The following ABCD2 variants were observed in gnomAD, a reference collection of about 807,000 sequenced individuals.
The protein encoded by ABCD2 is ATP binding cassette subfamily D member 2, also known as ATP-binding cassette sub-family D member 2.
Under a neutral mutation model 70.9 loss-of-function variants are expected in ABCD2, and 36 were observed. The observed-to-expected ratio is 0.51, with a 90% CI of 0.39 to 0.67. ABCD2 has a LOEUF of 0.67. Among genes scored for constraint, ABCD2 ranks in the 30% least tolerant of loss-of-function variants. The pLI is 0.00. For missense variants in ABCD2, 729 were observed against 890.2 expected (o/e 0.82, Z 2.30); for synonymous variants, 304 against 306.9 (o/e 0.99, Z 0.10).
chr12:39,547,012 A>T (rs920090440), downstream of ABCD2, among the ~76,000 whole-genome samples: 21 of 151,652 alleles, frequency 1.4e-4, no homozygotes, highest in Admixed American at 5.9e-4. Flanking sequence ...TAATTAAAAA[A>T]TTTTTTTTTC....
At position 39,619,126 on chromosome 12, in the gene ABCD2, T is replaced by G; in HGVS notation, c.490A>C (p.Ile164Leu). Residue 164 changes from isoleucine (I) to leucine (L), a missense_variant, in exon 1 of 10, where the codon ATA becomes CTA. Ile to Leu is a conservative substitution (Grantham distance 5, BLOSUM62 2). This residue lies in a region of ABCD2 where 245 missense variants were observed against 261.2 expected (regional missense o/e 0.94). Transcript: ENST00000308666. ...AIPATFVNSA[I>L]RYLECKLALA... Reference sequence around the variant, plus strand: ...GCCAATTTGCATTCCAGGTACCTTATTGCACTGTTGACGAAGGTAGCAGGG... The same window carrying G: ...GCCAATTTGCATTCCAGGTACCTTAGTGCACTGTTGACGAAGGTAGCAGGG... 6.2e-7 allele frequency: 1 copy of G among 1,614,240 alleles called. No homozygotes were observed. The highest frequency in any genetic ancestry group is 2.2e-5 in the East Asian group (1 of 44,888).
chr12:39,574,646 A>G (rs954331431), intron 8 of ABCD2, among the ~76,000 whole-genome samples: 2 of 152,076 alleles, frequency 1.3e-5, no homozygotes, highest in Non-Finnish European at 2.9e-5. Flanking sequence ...AGCTTAGTTA[A>G]TGGGAACAAA....
intron 6 of ABCD2, among the ~76,000 whole-genome samples, chr12:39,587,601 G>A (rs1008756271): frequency 2.6e-5 from 4 of 152,182 alleles, no homozygotes; most frequent in Non-Finnish European, 4.4e-5. Flanking sequence ...CACAGGAAGA[G>A]TAAACCTGAA....
At chr12:39,534,015 C>T in the ABCD2 span, among the ~76,000 whole-genome samples, 1 of 152,176 alleles carries the variant, frequency 6.6e-6, no homozygotes, top group African/African-American at 2.4e-5. Context: ...GAAACAACTC[C>T]TTCATCACAA....
the ABCD2 span, among the ~76,000 whole-genome samples, chr12:39,539,272 T>A: frequency 6.6e-6 from 1 of 152,218 alleles, no homozygotes; most frequent in African/African-American, 2.4e-5. Context: ...AGTTAGTATT[T>A]CTATTCTTCC....
intron 8 of ABCD2, 84 bp downstream of exon 8, chr12:39,579,451 C>G (rs1941566071): frequency 2.2e-6 from 2 of 909,820 alleles, no homozygotes; most frequent in Admixed American, 1.9e-5. Context: ...GACGATAAAT[C>G]CTGTCCAAAC....
At chr12:39,558,988 A>C (rs1941211386) in intron 9 of ABCD2, among the ~76,000 whole-genome samples, 1 of 152,176 alleles carries the variant, frequency 6.6e-6, no homozygotes, top group Non-Finnish European at 1.5e-5. Context: ...AAATATGTGA[A>C]CTTGAAAACA....
At chr12:39,534,762 G>A in the ABCD2 span, among the ~76,000 whole-genome samples, 47 of 12,516 alleles carry the variant, frequency 3.8e-3, no homozygotes, top group African/African-American at 8.0e-3. Context: ...GAAAGAAAGA[G>A]AAAGAAAGAA....
At chr12:39,562,870 C>A (rs1376207419) in intron 9 of ABCD2, among the ~76,000 whole-genome samples, 1 of 152,078 alleles carries the variant, frequency 6.6e-6, no homozygotes, top group Non-Finnish European at 1.5e-5. Flanking sequence ...AAAAAGAAAA[C>A]TACAGGCCAA....
the ABCD2 span, among the ~76,000 whole-genome samples, chr12:39,536,115 A>G: frequency 6.6e-6 from 1 of 152,338 alleles, no homozygotes; most frequent in Admixed American, 6.5e-5. Context: ...AAATAAAATA[A>G]AGAATGAATG....
chr12:39,571,673 C>T (rs544999748), intron 9 of ABCD2, among the ~76,000 whole-genome samples: 80 of 152,276 alleles, frequency 5.3e-4, no homozygotes, highest in Middle Eastern at 3.4e-3. Flanking sequence ...GATAATATTT[C>T]AGGGTTTATC....
At chr12:39,592,323 C>T (rs1331619784) in intron 6 of ABCD2, among the ~76,000 whole-genome samples, 3 of 152,206 alleles carry the variant, frequency 2.0e-5, no homozygotes, top group Non-Finnish European at 4.4e-5. Flanking sequence ...AACATACCTA[C>T]TGCAAGCAGC....
chr12:39,581,328 C>G (rs1299864680), intron 7 of ABCD2, among the ~76,000 whole-genome samples: 1 of 152,074 alleles, frequency 6.6e-6, no homozygotes, highest in Non-Finnish European at 1.5e-5. Context: ...TAAAAAATAT[C>G]TGGAGTGAAA....
At chr12:39,600,769 G>A in intron 5 of ABCD2, 53 bp from the exon 6 acceptor site, 1 of 1,469,712 alleles carries the variant, frequency 6.8e-7, no homozygotes, top group Non-Finnish European at 9.3e-7. Context: ...GATTTATTTT[G>A]GCAGCACCTA....
chr12:39,599,812 T>C (rs1404739925), intron 6 of ABCD2, among the ~76,000 whole-genome samples: 1 of 152,204 alleles, frequency 6.6e-6, no homozygotes, highest in African/African-American at 2.4e-5. Flanking sequence ...CTTGTTAGAC[T>C]CCACAAAACA....
chr12:39,601,364 A>G (rs555459640), intron 5 of ABCD2, among the ~76,000 whole-genome samples: 269 of 151,538 alleles, frequency 1.8e-3, no homozygotes, highest in Middle Eastern at 3.5e-3. Flanking sequence ...ACATACACAC[A>G]TAGAATATTA....
At chr12:39,579,207 C>T (rs1271020487) in intron 8 of ABCD2, among the ~76,000 whole-genome samples, 1 of 152,164 alleles carries the variant, frequency 6.6e-6, no homozygotes, top group East Asian at 1.9e-4. Context: ...ACTAAAAACA[C>T]AAAAATTAGC....
chr12:39,592,132 T>C (rs1941755117), intron 6 of ABCD2, among the ~76,000 whole-genome samples: 1 of 152,222 alleles, frequency 6.6e-6, no homozygotes, highest in Non-Finnish European at 1.5e-5. Flanking sequence ...TTCTGTCAAC[T>C]GACTGCCCAA....
At chr12:39,531,740 G>A in the ABCD2 span, among the ~76,000 whole-genome samples, 3 of 152,118 alleles carry the variant, frequency 2.0e-5, no homozygotes, top group Non-Finnish European at 4.4e-5. Flanking sequence ...TTTTTGTGAG[G>A]GGCTGTCCCA....
Sources: allele counts gnomAD v4.1 joint callset (sites outside exome capture counted in the v4.1 genomes callset), GRCh38; gene constraint gnomAD v4.1.1; regional missense constraint gnomAD v4.1.1; transcripts MANE v1.5; gene names NCBI Gene and HGNC (gene_info 2026-07-23, HGNC 2026-07-21).